Variants in WWOX observed in about 807,000 individuals in gnomAD.
The protein encoded by WWOX is WW domain containing oxidoreductase, also known as WW domain-containing oxidoreductase.
Under a neutral mutation model 46.2 loss-of-function variants are expected in WWOX, and 69 were observed. The observed-to-expected ratio is 1.49, with a 90% CI of 1.23 to 1.82. The LOEUF (loss-of-function observed/expected upper bound fraction) is 1.82, where lower values mean the gene tolerates loss of function less well. Among genes scored for constraint, WWOX ranks in the 40% most tolerant of loss-of-function variants. The probability of loss-of-function intolerance (pLI) is 0.00; values close to 1 mark genes in which losing one functional copy is unlikely to be tolerated. For missense variants in WWOX, 919 were observed against 542.6 expected, an observed-to-expected ratio of 1.69 and a Z score of -6.89; for synonymous variants, 359 against 202.6, an observed-to-expected ratio of 1.77 and a Z score of -6.56.
chr16:78,233,596 G>T (rs576838062), intron 5 of WWOX, among the ~76,000 whole-genome samples: 1 of 145,896 alleles, frequency 6.9e-6, no homozygotes, highest in Admixed American at 7.0e-5. Context: ...TCGCGATCTC[G>T]GCTCATTGCA....
At chr16:78,817,172 C>T (rs112425780) in intron 8 of WWOX, among the ~76,000 whole-genome samples, 741 of 51,320 alleles carry the variant, frequency 0.014, 12 homozygotes, top group Middle Eastern at 0.045. Context: ...TAGTGCTATT[C>T]TTTTTTTTTT....
intron 6 of WWOX, among the ~76,000 whole-genome samples, chr16:78,403,826 C>T (rs117059751): frequency 1.1e-4 from 17 of 152,294 alleles, no homozygotes; most frequent in East Asian, 9.7e-4. Context: ...CTCAAGTTTC[C>T]TGGATACTTT....
chr16:78,708,224 T>TC (rs2048366125), intron 8 of WWOX, among the ~76,000 whole-genome samples: 1 of 152,234 alleles, frequency 6.6e-6, no homozygotes, highest in Non-Finnish European at 1.5e-5. Flanking sequence ...GGACACCTGG[T>TC]TAAATGTGAA....
At chr16:78,441,959 A>AGTGTGT (rs145693201) in intron 8 of WWOX, among the ~76,000 whole-genome samples, 2,330 of 139,762 alleles carry the variant, frequency 0.017, 57 homozygotes, top group African/African-American at 0.056. Context: ...TATGCGCATG[A>AGTGTGT]GTGTGTGTGT....
At chr16:78,486,782 C>T (rs1597152562) in intron 8 of WWOX, among the ~76,000 whole-genome samples, 1 of 152,148 alleles carries the variant, frequency 6.6e-6, no homozygotes, top group Admixed American at 6.5e-5. Context: ...CTGTCTTGGC[C>T]AGGCTGGTCT....
At chr16:78,270,764 A>T (rs541634045) in intron 5 of WWOX, among the ~76,000 whole-genome samples, 1 of 152,136 alleles carries the variant, frequency 6.6e-6, no homozygotes, top group East Asian at 1.9e-4. Flanking sequence ...GAATGAACCA[A>T]TTATGGCCCA....
At position 78,679,398 on chromosome 16, in the gene WWOX, A is replaced by G. The variant is rs140723194; in HGVS notation, c.1056+246646A>G. Among the ~76,000 whole-genome samples, 600 of 152,190 alleles carry G rather than the reference A, an allele frequency of 3.9e-3. 2 individuals carry two copies. The highest frequency in any genetic ancestry group is 0.015 in the East Asian group (79 of 5,154). On this transcript the variant is annotated intron_variant, in intron 8 of 8. Coordinates refer to ENST00000566780, the MANE Select transcript of WWOX (RefSeq NM_016373.4). ...AAACCCTGTCTCTGCTAAAAATACA[A>G]AAATTAGCCAGGCATGGTGGTGTGG...
In WWOX at chr16:79,015,932, G is replaced by C. The variant is rs980317746; in HGVS notation, c.1057-195676G>C. ...CTCACAGCTAATTTTAGTATTTTTA[G>C]TAGAGACAGGATTTCGCCATGTTGG... is the stretch of plus-strand genomic sequence containing the variant. On this transcript the variant is annotated intron_variant, in intron 8 of 8. Transcript: ENST00000566780. Among the ~76,000 whole-genome samples the C allele has an allele frequency of 3.6e-4, 55 of 152,116 alleles. 1 individual carries two copies. The highest frequency in any genetic ancestry group is 1.2e-3 in the African/African-American group (51 of 41,424).
intron 8 of WWOX, among the ~76,000 whole-genome samples, chr16:79,192,864 T>C (rs1435756282): frequency 6.6e-6 from 1 of 152,212 alleles, no homozygotes; most frequent in East Asian, 1.9e-4. Flanking sequence ...CTCTCTGAGC[T>C]CTAATTTCCT....
At chr16:78,848,367 T>G (rs889772865) in intron 8 of WWOX, among the ~76,000 whole-genome samples, 6 of 152,184 alleles carry the variant, frequency 3.9e-5, no homozygotes, top group African/African-American at 1.4e-4. Context: ...TGCACTGTAT[T>G]TGCTAACTGT....
At chr16:79,071,403 T>A in intron 8 of WWOX, among the ~76,000 whole-genome samples, 1 of 152,234 alleles carries the variant, frequency 6.6e-6, no homozygotes, top group East Asian at 1.9e-4. Flanking sequence ...CAGAAGGGGT[T>A]GTGCGTTTCT....
At chr16:79,006,681 G>A (rs1341264669) in intron 8 of WWOX, among the ~76,000 whole-genome samples, 2 of 152,158 alleles carry the variant, frequency 1.3e-5, no homozygotes, top group East Asian at 1.9e-4. Context: ...TAAGATCCAG[G>A]TGTAGGTGGG....
chr16:78,961,278 T>C (rs1274720188), intron 8 of WWOX, among the ~76,000 whole-genome samples: 2 of 152,372 alleles, frequency 1.3e-5, no homozygotes, highest in Non-Finnish European at 1.5e-5. Flanking sequence ...ATGATAGTTA[T>C]ATATGAACTG....
chr16:78,600,825 A>C (rs879616645), intron 8 of WWOX, among the ~76,000 whole-genome samples: 1 of 152,080 alleles, frequency 6.6e-6, no homozygotes, highest in African/African-American at 2.4e-5. Flanking sequence ...TCTAGAATGG[A>C]CTCAGATGTC....
intron 4 of WWOX, among the ~76,000 whole-genome samples, chr16:78,150,640 C>T (rs996725445): frequency 2.0e-5 from 3 of 152,240 alleles, no homozygotes; most frequent in Non-Finnish European, 4.4e-5. Flanking sequence ...GCCTCGGCCT[C>T]CCAAAGTGCT....
intron 4 of WWOX, among the ~76,000 whole-genome samples, chr16:78,155,444 A>G (rs906133187): frequency 1.3e-5 from 2 of 152,222 alleles, no homozygotes; most frequent in Admixed American, 6.5e-5. Context: ...TTTCCATTTC[A>G]TAGAACTTGA....
intron 8 of WWOX, among the ~76,000 whole-genome samples, chr16:79,060,104 T>C (rs574653535): frequency 2.6e-5 from 4 of 152,326 alleles, no homozygotes; most frequent in African/African-American, 9.6e-5. Context: ...AGTTAATCCA[T>C]TGTTGTTTCT....
At chr16:78,878,876 C>T (rs771397541) in intron 8 of WWOX, among the ~76,000 whole-genome samples, 12 of 98,168 alleles carry the variant, frequency 1.2e-4, no homozygotes, top group Non-Finnish European at 1.7e-4. Flanking sequence ...GGCAAGATAG[C>T]AAAATACTAT....
chr16:79,028,823 T>C (rs2047696941), intron 8 of WWOX, among the ~76,000 whole-genome samples: 1 of 151,684 alleles, frequency 6.6e-6, no homozygotes, highest in African/African-American at 2.4e-5. Context: ...GGTTTTCCAA[T>C]CTTCAAACCA....
Sources: gnomAD v4.1 joint callset for allele counts (sites outside exome capture counted in the v4.1 genomes callset) on GRCh38, gnomAD v4.1.1 for gene constraint, MANE v1.5 for transcripts, NCBI Gene and HGNC (gene_info 2026-07-23, HGNC 2026-07-21) for gene names.